PDK2: variants seen among roughly 807,000 people sequenced by gnomAD.
PDK2 encodes pyruvate dehydrogenase kinase, isozyme 2.
A neutral mutation model predicts 50.4 loss-of-function variants in PDK2; 34 were observed. That is an observed-to-expected ratio of 0.68 (90% CI 0.51 to 0.90). The LOEUF is 0.90. PDK2 is among the 40% of genes least tolerant of loss of function. The pLI, the probability that PDK2 is intolerant of heterozygous loss-of-function variation, is 0.00. For missense variants in PDK2, 377 were observed against 544.5 expected (o/e 0.69, Z 3.06); for synonymous variants, 232 against 216.0 (o/e 1.07, Z -0.65).
intron 4 of PDK2, chr17:50,106,365 A>G (rs1910516869): frequency 1.5e-6 from 1 of 648,508 alleles, no homozygotes; most frequent in Non-Finnish European, 2.4e-6. Context: ...ATTATGTTCA[A>G]AAACAATTTG....
Position 50,111,705 on chromosome 17 carries a change from G to C in PDK2, c.*1608G>C, listed in dbSNP as rs1162214340. On this transcript the variant is annotated 3_prime_UTR_variant, in exon 11 of 11. Transcript: ENST00000503176. ...GGTAACTCTGACCAGTGTCCTGGAA[G>C]CGGGACTAGCTGCTGACCAGCGCCA... 1 of 152,302 alleles carries C rather than the reference G, an allele frequency of 6.6e-6. No homozygotes were observed. 9.4% of individuals were successfully genotyped at this position (152,302 alleles called of 1,614,324 possible).
chr17:50,110,085 C>T lies in PDK2; in HGVS notation c.1212C>T (p.Tyr404=), dbSNP rs1910750523. 1 of 1,606,814 alleles carries T rather than the reference C, an allele frequency of 6.2e-7. No individual in the cohort carries two copies. Among genetic ancestry groups the T allele is most frequent in the East Asian group, 2.2e-5 (1 of 44,666 alleles). Residue 404 remains tyrosine (Y), a synonymous_variant, in exon 11 of 11, where the codon TAC becomes TAT. Coordinates refer to ENST00000503176, the MANE Select transcript of PDK2 (RefSeq NM_002611.5). ...CGGAGCCCAAGAACACGTCCACGTA[C>T]CGCGTCAGCTAAGGGCCGCCGTGCA... ...PSTEPKNTST[Y]RVS
Position 50,106,840 on chromosome 17 carries a change from C to G in PDK2, c.564C>G (p.Ile188Met). Residue 188 changes from isoleucine (I) to methionine (M), a missense_variant, in exon 5 of 11, where the codon ATC becomes ATG. By Grantham distance (10) the Ile-to-Met change is conservative. This residue lies in a region of PDK2 where 214 missense variants were observed against 294.0 expected (regional missense o/e 0.73). Transcript: ENST00000503176. ...GSTNPAHPKH[I>M]GSIDPNCNVS... Reference sequence around the variant, plus strand: ...CCAACCCAGCCCATCCCAAACACATCGGCAGCATCGACCCCAACTGCAACG... The same window carrying G: ...CCAACCCAGCCCATCCCAAACACATGGGCAGCATCGACCCCAACTGCAACG... The G allele has an allele frequency of 6.2e-7, 1 of 1,614,152 alleles. No individual in the cohort carries two copies.
intron 2 of PDK2, among the ~76,000 whole-genome samples, chr17:50,098,249 T>C (rs1230547991): frequency 6.6e-6 from 1 of 152,206 alleles, no homozygotes; most frequent in Non-Finnish European, 1.5e-5. Flanking sequence ...CCTCATTGAC[T>C]TTGGTGGCAC....
At chr17:50,108,531 G>C in intron 8 of PDK2, 81 bp from the exon 9 acceptor site, 1 of 1,313,560 alleles carries the variant, frequency 7.6e-7, no homozygotes, top group South Asian at 1.2e-5. Context: ...GGGTGGGGAA[G>C]ACCATGAGAA....
At chr17:50,106,219 C>T in intron 4 of PDK2, 150 bp downstream of exon 4, 1 of 1,433,624 alleles carries the variant, frequency 7.0e-7, no homozygotes, top group East Asian at 2.5e-5. Context: ...GAGTTAATGG[C>T]TCCAACATGG....
At chr17:50,099,914 C>T (rs1196193210) in intron 2 of PDK2, among the ~76,000 whole-genome samples, 1 of 152,236 alleles carries the variant, frequency 6.6e-6, no homozygotes, top group Non-Finnish European at 1.5e-5. Flanking sequence ...GCATTGGCTA[C>T]AGCAAGAGAG....
Position 50,106,833 on chromosome 17 carries a change from AAC to A in PDK2, c.561_562del (p.Ile188ArgfsTer11). 1 of 1,614,058 alleles carries A rather than the reference AAC, an allele frequency of 6.2e-7. No individual in the cohort carries two copies. Among genetic ancestry groups the A allele is most frequent in the South Asian group, 1.1e-5 (1 of 91,074 alleles). On this transcript the variant is annotated frameshift_variant, in exon 5 of 11. Transcript: ENST00000503176. LOFTEE classifies it high-confidence loss of function. ...GGCAGCACCAACCCAGCCCATCCCA[AAC>A]ACATCGGCAGCATCGACCCCAACTG...
chr17:50,096,079 T>C (rs1473919659), intron 1 of PDK2: 25 of 982,116 alleles, frequency 2.5e-5, no homozygotes, highest in Non-Finnish European at 2.8e-5. Context: ...GGGGGCTCTT[T>C]CAGAAGATGC....
Position 50,097,567 on chromosome 17 carries a change from G to A in PDK2, c.260+3G>A, listed in dbSNP as rs1910014962. ...TCCGTGCAGCTGGTGCAGAGCTGGTGAGACCCCTGGCTCAGTCCCTGCACC... is the reference window on the plus strand; with the variant it reads ...TCCGTGCAGCTGGTGCAGAGCTGGTAAGACCCCTGGCTCAGTCCCTGCACC... On this transcript the variant is annotated splice_donor_region_variant and intron_variant, in intron 2 of 10. Coordinates refer to ENST00000503176, the MANE Select transcript of PDK2 (RefSeq NM_002611.5). The A allele has an allele frequency of 6.2e-7, 1 of 1,612,448 alleles. No individual in the cohort carries two copies. Among genetic ancestry groups the A allele is most frequent in the South Asian group, 1.1e-5 (1 of 91,078 alleles).
intron 2 of PDK2, among the ~76,000 whole-genome samples, chr17:50,103,122 G>A (rs916925047): frequency 1.3e-5 from 2 of 152,230 alleles, no homozygotes; most frequent in Non-Finnish European, 2.9e-5. Flanking sequence ...AGACAGGTGA[G>A]GTCTTAGGAG....
Position 50,095,472 on chromosome 17 carries a change from C to A in PDK2, c.37C>A (p.Leu13Met). 1 of 1,605,194 alleles carries A rather than the reference C, an allele frequency of 6.2e-7. No homozygotes were observed. Among genetic ancestry groups the A allele is most frequent in the Non-Finnish European group, 8.5e-7 (1 of 1,176,344 alleles). ...GTGGGCGCTGCTGAAGAATGCGTCCCTGGCAGGGGCGCCCAAGTACATAGA... is the reference window on the plus strand; with the variant it reads ...GTGGGCGCTGCTGAAGAATGCGTCCATGGCAGGGGCGCCCAAGTACATAGA... ...WVWALLKNAS[L>M]AGAPKYIEHF... Residue 13 changes from leucine (L) to methionine (M), a missense_variant, in exon 1 of 11, where the codon CTG (leucine) becomes ATG (methionine). Around this residue, in one of 3 missense-constraint regions of PDK2, gnomAD observed 100 missense variants for 115.5 expected, o/e 0.87. Transcript: ENST00000503176.
rs953554306 is a variant in PDK2 at position 50,111,390 on chromosome 17, A to G, written c.*1293A>G. The G allele has an allele frequency of 3.9e-5, 6 of 152,386 alleles. No individual in the cohort carries two copies. Among genetic ancestry groups the G allele is most frequent in the South Asian group, 2.1e-4 (1 of 4,824 alleles). The allele number at this position is 152,386 out of a possible 1,614,324, so 9.4% of individuals were successfully genotyped here. On this transcript the variant is annotated 3_prime_UTR_variant, in exon 11 of 11. Transcript: ENST00000503176. ...CTTCACATGCAGGTGGGCACCCACT[A>G]TAGCTACTGATGGCTTTAAGGATGT...
chr17:50,106,252 A>C, intron 4 of PDK2, 183 bp downstream of exon 4: 1 of 1,406,364 alleles, frequency 7.1e-7, no homozygotes, highest in Non-Finnish European at 9.3e-7. Flanking sequence ...TTTCTTTCTC[A>C]TTGATTTTCC....
chr17:50,106,507 A>G (rs1251871973), intron 4 of PDK2: 2 of 511,382 alleles, frequency 3.9e-6, no homozygotes, highest in Non-Finnish European at 3.5e-6. Flanking sequence ...TTAGAATGTT[A>G]TAGTCAAAGA....
intron 7 of PDK2, 28 bp from the exon 8 acceptor site, chr17:50,108,291 T>G: frequency 1.2e-6 from 2 of 1,610,754 alleles, no homozygotes. Context: ...GCTTCTCCCA[T>G]GCATCTCTTA....
At chr17:50,095,233 G>A, upstream of PDK2, 1 of 513,874 alleles carries the variant, frequency 1.9e-6, no homozygotes, top group Non-Finnish European at 3.4e-6. Context: ...ACGTGCCGGG[G>A]CGGAAGGCTA....
rs1472664918 is a variant in PDK2 at position 50,100,167 on chromosome 17, A to G, written c.260+2603A>G. Among the ~76,000 whole-genome samples, 3 of 152,216 alleles carry G rather than the reference A, an allele frequency of 2.0e-5. No homozygotes were observed. The East Asian group carries it at 5.8e-4, about 29-fold the overall frequency. On this transcript the variant is annotated intron_variant, in intron 2 of 10. Coordinates refer to ENST00000503176, the MANE Select transcript of PDK2 (RefSeq NM_002611.5). ...TGGAAAACACAAGAGCCCTCGGCAG[A>G]TGCAGTTATTAGTGGTCATGGTTCA...
intron 2 of PDK2, among the ~76,000 whole-genome samples, chr17:50,103,412 G>A (rs945799622): frequency 1.3e-5 from 2 of 152,178 alleles, no homozygotes; most frequent in Admixed American, 6.5e-5. Context: ...CTGCCTGGGG[G>A]CTCAGAGGAT....
Sources: allele counts gnomAD v4.1 joint callset (sites outside exome capture counted in the v4.1 genomes callset), GRCh38; gene constraint gnomAD v4.1.1; regional missense constraint gnomAD v4.1.1; transcripts MANE v1.5; gene names NCBI Gene and HGNC (gene_info 2026-07-23, HGNC 2026-07-21).